TVP23A: variants seen among roughly 807,000 people sequenced by gnomAD.
The protein encoded by TVP23A is trans-golgi network vesicle protein 23 homolog A.
A neutral mutation model predicts 31.7 loss-of-function variants in TVP23A; 21 were observed. The observed-to-expected ratio is 0.66, with a 90% CI of 0.47 to 0.95. TVP23A has a LOEUF of 0.95. Ranked by LOEUF, TVP23A falls within the 40% of genes least tolerant of loss-of-function variation. The pLI, the probability that TVP23A is intolerant of heterozygous loss-of-function variation, is 0.00. For synonymous variants in TVP23A, 104 were observed against 96.0 expected, an observed-to-expected ratio of 1.08 and a Z score of -0.49; for missense variants, 279 against 255.6, an observed-to-expected ratio of 1.09 and a Z score of -0.62.
intron 5 of TVP23A, among the ~76,000 whole-genome samples, chr16:10,772,797 C>T (rs1301823403): frequency 2.2e-5 from 3 of 137,580 alleles, no homozygotes; most frequent in Non-Finnish European, 3.1e-5. Flanking sequence ...AGGCTTCTTC[C>T]GGTGATGAAA....
At chr16:10,778,706 CT>C (rs1482965958) in intron 2 of TVP23A, among the ~76,000 whole-genome samples, 2 of 151,756 alleles carry the variant, frequency 1.3e-5, no homozygotes, top group African/African-American at 4.8e-5. Flanking sequence ...TGGCCCATGC[CT>C]ATAATCCCAG....
chr16:10,763,752 CA>C (rs2030380371), downstream of TVP23A: 1 of 155,008 alleles, frequency 6.5e-6, no homozygotes, highest in Non-Finnish European at 1.4e-5. Flanking sequence ...GGACGTTTGT[CA>C]GGGGAAACAT....
At chr16:10,793,281 C>T (rs185928630) in intron 2 of TVP23A, among the ~76,000 whole-genome samples, 1 of 151,950 alleles carries the variant, frequency 6.6e-6, no homozygotes, top group Non-Finnish European at 1.5e-5. Context: ...GTCTCAAAAA[C>T]ATAAAAATAA....
At position 10,767,668 on chromosome 16, in the gene TVP23A, G is replaced by A; in HGVS notation, c.*1434C>T. ...CTAATCTCTTAAAATGCAGACTCCT[G>A]GGCCCATGTGGAAGCTGCTGAATCA... On this transcript the variant is annotated 3_prime_UTR_variant, in exon 8 of 8. Coordinates refer to ENST00000299866, the MANE Select transcript of TVP23A (RefSeq NM_001079512.4). This position sits in a 1 kb window ranked among gnomAD's most constrained non-coding sequence, Gnocchi z 4.6. The A allele has an allele frequency of 2.0e-6, 1 of 502,154 alleles. No homozygotes were observed. The highest frequency in any genetic ancestry group is 2.9e-5 in the South Asian group (1 of 34,218). The allele number at this position is 502,154 out of a possible 1,614,324, so 31.1% of individuals were successfully genotyped here.
Position 10,768,185 on chromosome 16 carries a change from C to G in TVP23A, c.*917G>C. ...AGGAAGCCAGGAGTCCATGAGAAAT[C>G]TCTCAATGTGTGAGTATTGTGAATT... On this transcript the variant is annotated 3_prime_UTR_variant, in exon 8 of 8. Coordinates refer to ENST00000299866, the MANE Select transcript of TVP23A (RefSeq NM_001079512.4). The surrounding 1 kb of genome is among the most constrained non-coding windows in gnomAD (Gnocchi z 4.3). The G allele has an allele frequency of 1.7e-6, 1 of 603,952 alleles. No homozygotes were observed. The highest frequency in any genetic ancestry group is 2.9e-6 in the Non-Finnish European group (1 of 343,768). The allele number at this position is 603,952 out of a possible 1,614,324, so 37.4% of individuals were successfully genotyped here.
intron 2 of TVP23A, among the ~76,000 whole-genome samples, chr16:10,794,416 T>C (rs924331497): frequency 1.3e-5 from 2 of 152,096 alleles, no homozygotes; most frequent in African/African-American, 4.8e-5. Flanking sequence ...TGTTAACTAA[T>C]TACACCTGCA....
intron 2 of TVP23A, among the ~76,000 whole-genome samples, chr16:10,778,315 CAG>C (rs1266362708): frequency 1.9e-5 from 2 of 105,852 alleles, no homozygotes; most frequent in African/African-American, 7.8e-5. Context: ...GCTTGGGCAA[CAG>C]AGCAAATCGC....
chr16:10,807,061 A>T (rs954570833), intron 2 of TVP23A, among the ~76,000 whole-genome samples: 9 of 152,184 alleles, frequency 5.9e-5, no homozygotes, highest in South Asian at 2.1e-4. Context: ...CTATAATTTC[A>T]AAATAGATTT....
rs922242455 is a variant in TVP23A at position 10,777,601 on chromosome 16, C to T, written c.90-2505G>A. 6.6e-6 allele frequency among the ~76,000 whole-genome samples: 1 copy of T among 151,358 alleles called. No homozygotes were observed. The highest frequency in any genetic ancestry group is 1.5e-5 in the Non-Finnish European group (1 of 67,846). On this transcript the variant is annotated intron_variant, in intron 2 of 7. Transcript: ENST00000299866. This position sits in a 1 kb window ranked among gnomAD's most constrained non-coding sequence, Gnocchi z 4.5. ...AGCAGACTTCACAGTGACTTTTTTG[C>T]GTAGCAAAGCACCAACTATTCACCA...
chr16:10,816,967 C>G (rs2143011644), intron 2 of TVP23A, among the ~76,000 whole-genome samples: 1 of 149,678 alleles, frequency 6.7e-6, no homozygotes, highest in South Asian at 2.2e-4. Flanking sequence ...ACACACGTCA[C>G]CTGACCATGG....
At chr16:10,789,072 C>T (rs1055638508) in intron 2 of TVP23A, among the ~76,000 whole-genome samples, 1 of 152,202 alleles carries the variant, frequency 6.6e-6, no homozygotes, top group African/African-American at 2.4e-5. Flanking sequence ...TTGTGATCCA[C>T]CTGCCTCGGC....
chr16:10,793,857 C>G (rs934571296), intron 2 of TVP23A, among the ~76,000 whole-genome samples: 2 of 127,012 alleles, frequency 1.6e-5, no homozygotes, highest in Non-Finnish European at 3.1e-5. Context: ...TGTGATCACA[C>G]CACTGCATTC....
chr16:10,811,597 C>A (rs1371025913), intron 2 of TVP23A, among the ~76,000 whole-genome samples: 1 of 152,018 alleles, frequency 6.6e-6, no homozygotes, highest in Non-Finnish European at 1.5e-5. Flanking sequence ...AAATTAAACA[C>A]ACACACACAC....
At chr16:10,759,283 T>C (rs1207678441), downstream of TVP23A, among the ~76,000 whole-genome samples, 1 of 151,978 alleles carries the variant, frequency 6.6e-6, no homozygotes, top group Non-Finnish European at 1.5e-5. This position sits in a 1 kb window ranked among gnomAD's most constrained non-coding sequence, Gnocchi z 4.7. Flanking sequence ...CCAGCGGCCA[T>C]GGGAAGGGTG....
chr16:10,761,258 G>T, exon 9 of TVP23A: 1 of 1,019,768 alleles, frequency 9.8e-7, no homozygotes, highest in Non-Finnish European at 1.5e-6. Flanking sequence ...AACCTCTAAG[G>T]CTTTATGATC....
rs1481059349 is a variant in TVP23A at position 10,777,090 on chromosome 16, C to T, written c.90-1994G>A. 6.6e-6 allele frequency among the ~76,000 whole-genome samples: 1 copy of T among 152,122 alleles called. No individual in the cohort carries two copies. The highest frequency in any genetic ancestry group is 2.1e-4 in the South Asian group (1 of 4,828). Reference sequence around the variant, plus strand: ...AGGTCTCAGCCTCGTTTTACCCAGCCCCTATTCAAGATGGAGTTGCTCTGG... The same window carrying T: ...AGGTCTCAGCCTCGTTTTACCCAGCTCCTATTCAAGATGGAGTTGCTCTGG... On this transcript the variant is annotated intron_variant, in intron 2 of 7. Coordinates refer to ENST00000299866, the MANE Select transcript of TVP23A (RefSeq NM_001079512.4). This position sits in a 1 kb window ranked among gnomAD's most constrained non-coding sequence, Gnocchi z 4.5.
At chr16:10,794,460 A>G (rs1237392307) in intron 2 of TVP23A, among the ~76,000 whole-genome samples, 1 of 152,154 alleles carries the variant, frequency 6.6e-6, no homozygotes, top group Non-Finnish European at 1.5e-5. Context: ...TCAGTATTTG[A>G]GGGAGTTAGG....
chr16:10,771,870 G>C (rs948525735), intron 5 of TVP23A, 72 bp from the exon 6 acceptor site: 54 of 1,523,472 alleles, frequency 3.5e-5, no homozygotes, highest in Non-Finnish European at 4.7e-5. Context: ...CCAGGCTGGG[G>C]TGCAGAGGCA....
intron 2 of TVP23A, among the ~76,000 whole-genome samples, chr16:10,781,743 T>C (rs1237534715): frequency 2.0e-5 from 3 of 151,084 alleles, no homozygotes; most frequent in African/African-American, 7.3e-5. Context: ...TTAGGGAGAG[T>C]CAGGTTGGCA....
Sources: gnomAD v4.1 joint callset for allele counts (sites outside exome capture counted in the v4.1 genomes callset) on GRCh38, gnomAD v4.1.1 for gene constraint, Gnocchi (gnomAD v3.1) non-coding constraint, MANE v1.5 for transcripts, NCBI Gene and HGNC (gene_info 2026-07-23, HGNC 2026-07-21) for gene names.